The following LRCH1 variants were observed in gnomAD, a reference collection of about 807,000 sequenced individuals.
LRCH1 encodes leucine rich repeats and calponin homology domain containing 1, also known as leucine-rich repeat and calponin homology domain-containing protein 1.
Under a neutral mutation model 94.9 loss-of-function variants are expected in LRCH1, and 23 were observed. The observed-to-expected ratio is 0.24, with a 90% CI of 0.17 to 0.34. The LOEUF (loss-of-function observed/expected upper bound fraction) is 0.34, where lower values mean the gene tolerates loss of function less well. Among genes scored for constraint, LRCH1 ranks in the 10% least tolerant of loss-of-function variants. The pLI is 1.00. For synonymous variants in LRCH1, 364 were observed against 354.9 expected (o/e 1.03, Z -0.29); for missense variants, 790 against 945.9 (o/e 0.84, Z 2.16).
intron 18 of LRCH1, chr13:46,750,494 G>C: frequency 7.7e-7 from 1 of 1,294,008 alleles, no homozygotes; most frequent in South Asian, 1.3e-5. Flanking sequence ...TTTACAATGA[G>C]AGTACAATCA....
intron 1 of LRCH1, among the ~76,000 whole-genome samples, chr13:46,570,780 A>G (rs2050232778): frequency 6.6e-6 from 1 of 152,254 alleles, no homozygotes; most frequent in African/African-American, 2.4e-5. Context: ...TAGACACTTG[A>G]ACAGAATGGC....
intron 1 of LRCH1, among the ~76,000 whole-genome samples, chr13:46,619,759 T>G (rs1390157127): frequency 6.6e-6 from 1 of 152,176 alleles, no homozygotes; most frequent in Non-Finnish European, 1.5e-5. Flanking sequence ...TGGTGGTTGT[T>G]GTTGTTTGGA....
At chr13:46,653,924 CT>C (rs2051339202) in intron 2 of LRCH1, among the ~76,000 whole-genome samples, 1 of 152,104 alleles carries the variant, frequency 6.6e-6, no homozygotes, top group African/African-American at 2.4e-5. Flanking sequence ...ATTACAAGGC[CT>C]TTAATTCCTA....
intron 2 of LRCH1, among the ~76,000 whole-genome samples, chr13:46,656,305 A>C (rs563988501): frequency 6.6e-6 from 1 of 152,226 alleles, no homozygotes; most frequent in Non-Finnish European, 1.5e-5. Context: ...ATTCTAAAGA[A>C]AGTCTCAATT....
At chr13:46,710,458 C>G (rs549403782) in intron 13 of LRCH1, among the ~76,000 whole-genome samples, 1 of 152,288 alleles carries the variant, frequency 6.6e-6, no homozygotes, top group African/African-American at 2.4e-5. Flanking sequence ...CTGTCCACAT[C>G]AAGTGTGGAT....
At chr13:46,687,474 G>A (rs146394570) in intron 5 of LRCH1, among the ~76,000 whole-genome samples, 93 of 152,064 alleles carry the variant, frequency 6.1e-4, no homozygotes, top group African/African-American at 2.1e-3. Context: ...ATTATTTTTA[G>A]GCTCTGAATT....
At chr13:46,729,087 C>A in intron 18 of LRCH1, 103 bp downstream of exon 18, 1 of 1,136,796 alleles carries the variant, frequency 8.8e-7, no homozygotes, top group Non-Finnish European at 1.2e-6. Flanking sequence ...TTGCTCAAAT[C>A]TTTTCCATTG....
At chr13:46,643,604 C>T (rs78582628) in intron 1 of LRCH1, among the ~76,000 whole-genome samples, 2,498 of 152,252 alleles carry the variant, frequency 0.016, 64 homozygotes, top group African/African-American at 0.057. Context: ...CTTCCCCTTC[C>T]CTTCTAGGTG....
intron 1 of LRCH1, among the ~76,000 whole-genome samples, chr13:46,616,935 A>T (rs1284006263): frequency 6.6e-6 from 1 of 151,924 alleles, no homozygotes; most frequent in African/African-American, 2.4e-5. Flanking sequence ...AATTACAAAG[A>T]ACCTTCTTAA....
chr13:46,661,468 T>C (rs2051446960), intron 2 of LRCH1, among the ~76,000 whole-genome samples: 1 of 152,206 alleles, frequency 6.6e-6, no homozygotes, highest in African/African-American at 2.4e-5. Flanking sequence ...CAAATTGAAA[T>C]ATGGGTTAAG....
chr13:46,627,823 C>T (rs1012680192), intron 1 of LRCH1, among the ~76,000 whole-genome samples: 1 of 152,002 alleles, frequency 6.6e-6, no homozygotes, highest in Non-Finnish European at 1.5e-5. Context: ...TTTTTGGATC[C>T]GTGTAATTTC....
At chr13:46,667,478 A>G (rs537834049) in intron 2 of LRCH1, among the ~76,000 whole-genome samples, 123 of 138,872 alleles carry the variant, frequency 8.9e-4, no homozygotes, top group Non-Finnish European at 1.2e-3. Flanking sequence ...TTGAACAATG[A>G]GAACACTTGG....
intron 1 of LRCH1, among the ~76,000 whole-genome samples, chr13:46,598,346 T>G (rs1009565298): frequency 6.6e-6 from 1 of 151,884 alleles, no homozygotes; most frequent in Non-Finnish European, 1.5e-5. Context: ...GGTGCCCCAG[T>G]TTAGTGTACA....
chr13:46,699,434 C>T, intron 10 of LRCH1, 31 bp downstream of exon 10: 1 of 1,598,372 alleles, frequency 6.3e-7, no homozygotes, highest in Non-Finnish European at 8.6e-7. Flanking sequence ...TACAAGCCAT[C>T]ATCACTCAAA....
At chr13:46,726,988 A>G (rs1872853126) in intron 17 of LRCH1, among the ~76,000 whole-genome samples, 1 of 152,152 alleles carries the variant, frequency 6.6e-6, no homozygotes, top group South Asian at 2.1e-4. Flanking sequence ...AGGACGAGGA[A>G]GATCCCAAAC....
At chr13:46,553,805 G>A in intron 1 of LRCH1, 102 bp downstream of exon 1, 2 of 1,542,442 alleles carry the variant, frequency 1.3e-6, no homozygotes, top group East Asian at 4.9e-5. Context: ...TCTTGCTGGG[G>A]GAGGGAGGGT....
Position 46,553,594 on chromosome 13 carries a change from G to T in LRCH1, c.198G>T (p.Ala66=), listed in dbSNP as rs1020238771. Residue 66 remains alanine (A), a synonymous_variant, in exon 1 of 20, where the codon GCG becomes GCT. Coordinates refer to ENST00000389797, the MANE Select transcript of LRCH1 (RefSeq NM_001164211.2). Reference sequence around the variant, plus strand: ...CCTTGAACCGGGGTCTGGAGCGCGCGCTTGAGGAGGCGGCCAACTCCGGGG... The same window carrying T: ...CCTTGAACCGGGGTCTGGAGCGCGCTCTTGAGGAGGCGGCCAACTCCGGGG... ...NLPLNRGLER[A]LEEAANSGGL... 7.1e-6 allele frequency: 11 copies of T among 1,558,682 alleles called. No homozygotes were observed. In the African/African-American group the frequency reaches 1.4e-4, roughly 19 times the overall value.
At chr13:46,660,221 G>A (rs780699019) in intron 2 of LRCH1, among the ~76,000 whole-genome samples, 26 of 151,388 alleles carry the variant, frequency 1.7e-4, no homozygotes, top group Non-Finnish European at 3.1e-4. Flanking sequence ...TCACTGTGTT[G>A]GCCAGGATGG....
chr13:46,710,696 A>C (rs1872018683), intron 13 of LRCH1, among the ~76,000 whole-genome samples: 1 of 152,194 alleles, frequency 6.6e-6, no homozygotes, highest in Non-Finnish European at 1.5e-5. Flanking sequence ...TTTGTGTCAA[A>C]GGTGGGAAGA....
Sources: gnomAD v4.1 joint callset for allele counts (sites outside exome capture counted in the v4.1 genomes callset) on GRCh38, gnomAD v4.1.1 for gene constraint, MANE v1.5 for transcripts, NCBI Gene and HGNC (gene_info 2026-07-23, HGNC 2026-07-21) for gene names.